The following DCAF6 variants were observed in gnomAD, a reference collection of about 807,000 sequenced individuals.
DCAF6 encodes DDB1 and CUL4 associated factor 6.
A neutral mutation model predicts 125.1 loss-of-function variants in DCAF6; 54 were observed. The ratio of observed to expected loss-of-function variants is 0.43; its 90% confidence interval spans 0.35 to 0.54. DCAF6 has a LOEUF of 0.54. DCAF6 is among the 20% of genes least tolerant of loss of function. DCAF6 has a pLI of 0.01. For synonymous variants in DCAF6, 371 were observed against 390.4 expected (o/e 0.95, Z 0.58); for missense variants, 934 against 1,161.7 (o/e 0.80, Z 2.85).
the DCAF6 span, chr1:167,878,398 C>T: frequency 6.3e-7 from 1 of 1,590,016 alleles, no homozygotes; most frequent in Non-Finnish European, 8.6e-7. Flanking sequence ...TCATAATTCT[C>T]CCGCTTCTTT....
At chr1:167,962,652 A>G (rs1401800800) in intron 2 of DCAF6, among the ~76,000 whole-genome samples, 4 of 152,040 alleles carry the variant, frequency 2.6e-5, no homozygotes, top group African/African-American at 4.8e-5. Context: ...ATCCACTCTG[A>G]CAGTCTCTGT....
chr1:167,925,462 TATATATATATATAC>T, the DCAF6 span, among the ~76,000 whole-genome samples: 1,756 of 119,506 alleles, frequency 0.015, 48 homozygotes, highest in African/African-American at 0.06. Flanking sequence ...TATATATATA[TATATATATATATAC>T]ATATACATAT....
intron 7 of DCAF6, among the ~76,000 whole-genome samples, chr1:168,001,291 G>A (rs748094622): frequency 6.6e-6 from 1 of 151,148 alleles, no homozygotes; most frequent in Non-Finnish European, 1.5e-5. Context: ...GACCCTGCCT[G>A]GAAAAAAAAA....
chr1:167,904,029 G>T, the DCAF6 span: 1 of 1,453,340 alleles, frequency 6.9e-7, no homozygotes, highest in Non-Finnish European at 9.6e-7. Flanking sequence ...TGGCTGCTTG[G>T]GGGAATCAAA....
At chr1:167,894,501 A>G in the DCAF6 span, among the ~76,000 whole-genome samples, 1 of 152,086 alleles carries the variant, frequency 6.6e-6, no homozygotes, top group Non-Finnish European at 1.5e-5. Flanking sequence ...TGATAGTTTT[A>G]TGCTCTAGGA....
rs140282832 is a variant in DCAF6, at chr1:168,049,902, G to A, written c.2259-990G>A. 2.1e-3 allele frequency among the ~76,000 whole-genome samples: 310 copies of A among 150,298 alleles called. 2 individuals carry two copies. The highest frequency in any genetic ancestry group is 7.1e-3 in the African/African-American group (289 of 40,916). On this transcript the variant is annotated intron_variant, in intron 16 of 21. Transcript: ENST00000367840. Reference sequence around the variant, plus strand: ...GATCTCCTGACCTCGTGATCCGCCTGCCTCAGCCTCCCAAAGTGCTGGGAT... The same window carrying A: ...GATCTCCTGACCTCGTGATCCGCCTACCTCAGCCTCCCAAAGTGCTGGGAT...
At chr1:168,041,872 A>G (rs1285372452) in intron 13 of DCAF6, among the ~76,000 whole-genome samples, 2 of 145,564 alleles carry the variant, frequency 1.4e-5, no homozygotes, top group Non-Finnish European at 3.0e-5. Flanking sequence ...TTTCTGGTTT[A>G]AAAGAAATAC....
intron 12 of DCAF6, 63 bp from the exon 13 acceptor site, chr1:168,038,308 A>G (rs1688096210): frequency 1.7e-6 from 2 of 1,197,754 alleles, no homozygotes; most frequent in South Asian, 1.3e-5. Flanking sequence ...TATAAATTTT[A>G]GGAAATGTCA....
At chr1:168,016,552 A>G (rs1159126029) in intron 11 of DCAF6, among the ~76,000 whole-genome samples, 1 of 152,200 alleles carries the variant, frequency 6.6e-6, no homozygotes, top group Non-Finnish European at 1.5e-5. Context: ...TTATTATGCT[A>G]TAAAACTGTG....
At chr1:168,051,837 T>C (rs970599926) in intron 17 of DCAF6, among the ~76,000 whole-genome samples, 4 of 152,186 alleles carry the variant, frequency 2.6e-5, no homozygotes, top group Non-Finnish European at 5.9e-5. Flanking sequence ...CATTAAGGTA[T>C]ATTTGAAATA....
chr1:167,950,955 T>A (rs1039637280), intron 1 of DCAF6, among the ~76,000 whole-genome samples: 11 of 152,250 alleles, frequency 7.2e-5, no homozygotes, highest in African/African-American at 2.7e-4. Flanking sequence ...AATTGAGAAA[T>A]GCTTAAAAAT....
chr1:167,974,746 G>A lies in DCAF6; in HGVS notation c.253-84G>A. 2.9e-6 allele frequency: 3 copies of A among 1,034,198 alleles called. 1 individual carries two copies. The East Asian group carries it at 8.3e-5, about 29-fold the overall frequency. 64.1% of individuals were successfully genotyped at this position (1,034,198 alleles called of 1,614,324 possible). On this transcript the variant is annotated intron_variant, in intron 3 of 21. Transcript: ENST00000367840. ...CTGAGATGAGAATGTTAATGAGAAT[G>A]TATTACTGGCTATGATTATATTAAA...
chr1:167,951,963 A>G, intron 2 of DCAF6, 102 bp downstream of exon 2: 1 of 648,860 alleles, frequency 1.5e-6, no homozygotes, highest in East Asian at 2.8e-5. Context: ...TGACTATAAT[A>G]AAATGGGAGA....
At chr1:167,903,445 T>C in the DCAF6 span, among the ~76,000 whole-genome samples, 1 of 150,094 alleles carries the variant, frequency 6.7e-6, no homozygotes, top group Non-Finnish European at 1.5e-5. Context: ...GCGCCTGTAA[T>C]CCTAGCTACT....
intron 15 of DCAF6, 111 bp from the exon 16 acceptor site, chr1:168,044,789 A>C: frequency 7.1e-7 from 1 of 1,417,946 alleles, no homozygotes; most frequent in African/African-American, 1.4e-5. Flanking sequence ...TCCTCCCCTT[A>C]TAGAGGAATT....
chr1:167,982,784 T>C (rs78848096), intron 4 of DCAF6, among the ~76,000 whole-genome samples: 10,307 of 152,266 alleles, frequency 0.068, 500 homozygotes, highest in East Asian at 0.21. Flanking sequence ...AGGATTCTTA[T>C]AGTTCGAGGT....
At chr1:167,980,228 A>ATATT (rs1342253744) in intron 4 of DCAF6, among the ~76,000 whole-genome samples, 8 of 152,126 alleles carry the variant, frequency 5.3e-5, no homozygotes, top group Non-Finnish European at 1.0e-4. Context: ...CTAGTGATGG[A>ATATT]TATTTAGGTT....
chr1:168,041,811 A>AAT (rs891485423), intron 13 of DCAF6, among the ~76,000 whole-genome samples: 1 of 151,348 alleles, frequency 6.6e-6, no homozygotes. Flanking sequence ...GGAAAAAATA[A>AAT]ATATATATAT....
At chr1:167,874,352 A>C in the DCAF6 span, among the ~76,000 whole-genome samples, 2 of 152,218 alleles carry the variant, frequency 1.3e-5, no homozygotes, top group South Asian at 2.1e-4. Context: ...ATAAATAAAT[A>C]AATCCAAATG....
Sources: allele counts gnomAD v4.1 joint callset (sites outside exome capture counted in the v4.1 genomes callset), GRCh38; gene constraint gnomAD v4.1.1; transcripts MANE v1.5; gene names NCBI Gene and HGNC (gene_info 2026-07-23, HGNC 2026-07-21).